Variants in DNAJC6 observed in about 807,000 individuals in gnomAD.
The protein encoded by DNAJC6 is DnaJ heat shock protein family (Hsp40) member C6.
DNAJC6 carries 34 observed loss-of-function variants against 110.0 expected under a neutral mutation model. That is an observed-to-expected ratio of 0.31 (90% confidence interval 0.24 to 0.41). DNAJC6 has a LOEUF of 0.41. DNAJC6 is among the 10% of genes least tolerant of loss of function. The pLI is 1.00. For synonymous variants in DNAJC6, 406 were observed against 437.2 expected, an observed-to-expected ratio of 0.93 and a Z score of 0.89; for missense variants, 1,031 against 1,207.8, an observed-to-expected ratio of 0.85 and a Z score of 2.17.
At position 65,388,364 on chromosome 1, in the gene DNAJC6, A is replaced by G. The variant is rs1645892304; in HGVS notation, c.1142A>G (p.Gln381Arg). ...KVTNTQIFQLQFHTGFIPLDT... is the reference protein window; with the variant it reads ...KVTNTQIFQLRFHTGFIPLDT... ...ACCAACACACAGATATTCCAGCTTC[A>G]GTTTCACACTGGATTCATACCACTG... Residue 381 changes from glutamine (Q) to arginine (R), a missense_variant, in exon 9 of 19, where the codon CAG (glutamine) becomes CGG (arginine). Gln to Arg is a conservative substitution (Grantham distance 43). Transcript: ENST00000371069. 1 of 1,614,030 alleles carries G rather than the reference A, an allele frequency of 6.2e-7. No individual in the cohort carries two copies. The highest frequency in any genetic ancestry group is 1.3e-5 in the African/African-American group (1 of 74,922).
Position 65,267,057 on chromosome 1 carries a change from C to T in DNAJC6, c.-131+2125C>T, listed in dbSNP as rs528510671. Among the ~76,000 whole-genome samples the T allele has an allele frequency of 3.7e-3, 564 of 152,086 alleles. 2 individuals carry two copies. The highest frequency in any genetic ancestry group is 0.013 in the African/African-American group (532 of 41,490). ...GATTACAGGCCCATGCCACCACGCCCGGTTAATTTTTGTATTTTTAGTAGA... is the reference window on the plus strand; with the variant it reads ...GATTACAGGCCCATGCCACCACGCCTGGTTAATTTTTGTATTTTTAGTAGA... On this transcript the variant is annotated intron_variant, in intron 1 of 19. Coordinates refer to the DNAJC6 transcript ENST00000263441.
At chr1:65,388,256 T>C in intron 8 of DNAJC6, 80 bp from the exon 9 acceptor site, 1 of 1,246,642 alleles carries the variant, frequency 8.0e-7, no homozygotes, top group Non-Finnish European at 1.2e-6. Flanking sequence ...TGAAGGTGCA[T>C]GTCTCCCCAA....
At chr1:65,285,926 C>T (rs1377452518) in intron 1 of DNAJC6, among the ~76,000 whole-genome samples, 1 of 152,178 alleles carries the variant, frequency 6.6e-6, no homozygotes, top group African/African-American at 2.4e-5. Flanking sequence ...CCGCCTCGGC[C>T]TTCCAAAGTG....
At chr1:65,305,058 A>G (rs1645025211), upstream of DNAJC6, among the ~76,000 whole-genome samples, 2 of 152,254 alleles carry the variant, frequency 1.3e-5, no homozygotes, top group Admixed American at 1.3e-4. Flanking sequence ...TTGCCAAAGT[A>G]AGTTTCAATA....
At chr1:65,315,845 T>C (rs1645144176) in intron 1 of DNAJC6, among the ~76,000 whole-genome samples, 1 of 152,128 alleles carries the variant, frequency 6.6e-6, no homozygotes, top group East Asian at 1.9e-4. Context: ...AAATGAAGAA[T>C]TTAGTGGTGA....
At chr1:65,309,959 T>C in intron 1 of DNAJC6, 21 bp downstream of exon 1, 1 of 1,404,630 alleles carries the variant, frequency 7.1e-7, no homozygotes, top group Non-Finnish European at 9.3e-7. Flanking sequence ...CCGAGGGGAG[T>C]GCAGCGCTGA....
chr1:65,336,572 T>C (rs1645339192), intron 1 of DNAJC6, among the ~76,000 whole-genome samples: 1 of 152,230 alleles, frequency 6.6e-6, no homozygotes, highest in African/African-American at 2.4e-5. Context: ...ATGAGCAATT[T>C]CATTTTTTCT....
intron 1 of DNAJC6, among the ~76,000 whole-genome samples, chr1:65,302,273 T>A (rs1197557462): frequency 2.0e-4 from 4 of 19,862 alleles, no homozygotes; most frequent in Non-Finnish European, 3.4e-4. Flanking sequence ...ATATTATATA[T>A]TATATAATAT....
chr1:65,268,792 G>C (rs990296146), intron 1 of DNAJC6, among the ~76,000 whole-genome samples: 3 of 152,034 alleles, frequency 2.0e-5, no homozygotes, highest in Admixed American at 2.0e-4. Context: ...AATTTTTTAG[G>C]TTGTTTTTAT....
chr1:65,374,508 T>C (rs1645740846), intron 4 of DNAJC6, among the ~76,000 whole-genome samples: 1 of 146,530 alleles, frequency 6.8e-6, no homozygotes, highest in Non-Finnish European at 1.5e-5. Context: ...TTTGGTTAGA[T>C]TGATTCCCAG....
intron 1 of DNAJC6, among the ~76,000 whole-genome samples, chr1:65,333,303 C>A (rs1291941755): frequency 2.0e-5 from 3 of 152,058 alleles, no homozygotes; most frequent in Non-Finnish European, 4.4e-5. Flanking sequence ...AATAAATGGA[C>A]TCGTAGGTGG....
chr1:65,279,427 T>G (rs1653775391), intron 1 of DNAJC6: 1 of 152,320 alleles, frequency 6.6e-6, no homozygotes, highest in African/African-American at 2.4e-5. Context: ...TCTGACCTAC[T>G]GAAAACAGAG....
chr1:65,381,014 G>A (rs1341972529), intron 5 of DNAJC6, among the ~76,000 whole-genome samples: 2 of 147,742 alleles, frequency 1.4e-5, no homozygotes, highest in Non-Finnish European at 3.0e-5. Context: ...TGCCTCCCAG[G>A]TTCGAGTGAT....
chr1:65,389,656 T>A, intron 11 of DNAJC6, 29 bp downstream of exon 11: 1 of 1,606,002 alleles, frequency 6.2e-7, no homozygotes, highest in South Asian at 1.1e-5. Context: ...TTAAGTCACA[T>A]GGTTTGATGA....
At chr1:65,285,888 C>T (rs1372605714) in intron 1 of DNAJC6, among the ~76,000 whole-genome samples, 1 of 152,080 alleles carries the variant, frequency 6.6e-6, no homozygotes, top group Non-Finnish European at 1.5e-5. Context: ...GTAGGCTGGT[C>T]TTCAACTCCT....
intron 1 of DNAJC6, among the ~76,000 whole-genome samples, chr1:65,353,221 G>T (rs1645508691): frequency 6.6e-6 from 1 of 152,198 alleles, no homozygotes; most frequent in Non-Finnish European, 1.5e-5. Context: ...TGGAGTTGAG[G>T]TTCCATGTGG....
chr1:65,384,117 G>T (rs1484219267), intron 5 of DNAJC6, 76 bp from the exon 6 acceptor site: 2 of 1,339,858 alleles, frequency 1.5e-6, no homozygotes, highest in Non-Finnish European at 9.7e-7. Context: ...TCTCTTAATT[G>T]CAAATTCTGC....
At chr1:65,285,540 T>G (rs1016604821) in intron 1 of DNAJC6, among the ~76,000 whole-genome samples, 6 of 152,176 alleles carry the variant, frequency 3.9e-5, no homozygotes, top group African/African-American at 1.4e-4. Flanking sequence ...GTCATGGTCA[T>G]ATAAGGTGAT....
chr1:65,406,617 G>T (rs1480043312), intron 16 of DNAJC6, among the ~76,000 whole-genome samples: 1 of 152,206 alleles, frequency 6.6e-6, no homozygotes, highest in African/African-American at 2.4e-5. Flanking sequence ...TTGGTGGACT[G>T]CATGTGTCTT....
Sources: gnomAD v4.1 joint callset for allele counts (sites outside exome capture counted in the v4.1 genomes callset) on GRCh38, gnomAD v4.1.1 for gene constraint, MANE v1.5 for transcripts, NCBI Gene and HGNC (gene_info 2026-07-23, HGNC 2026-07-21) for gene names.